FYB2: variants seen among roughly 807,000 people sequenced by gnomAD.
FYB2 encodes FYN binding protein 2, also known as FYN-binding protein 2.
A neutral mutation model predicts 94.1 loss-of-function variants in FYB2; 103 were observed. The observed-to-expected ratio is 1.09, with a 90% confidence interval of 0.93 to 1.29. FYB2 has a LOEUF of 1.29. Among genes scored for constraint, FYB2 ranks in the 50% most tolerant of loss-of-function variants. The pLI is 0.00. For synonymous variants in FYB2, 293 were observed against 287.9 expected (o/e 1.02, Z -0.18); for missense variants, 896 against 841.5 (o/e 1.06, Z -0.80).
intron 4 of FYB2, among the ~76,000 whole-genome samples, chr1:56,783,485 T>C (rs1376601395): frequency 1.3e-5 from 2 of 152,204 alleles, no homozygotes; most frequent in Non-Finnish European, 2.9e-5. Context: ...ACTCCTGTTT[T>C]ATACATTATG....
chr1:56,752,723 G>A (rs188033315), intron 8 of FYB2, among the ~76,000 whole-genome samples: 3 of 152,148 alleles, frequency 2.0e-5, no homozygotes, highest in Admixed American at 2.0e-4. Context: ...AACAATTTCT[G>A]GAACCCAAAC....
intron 8 of FYB2, among the ~76,000 whole-genome samples, chr1:56,753,346 G>A (rs553696908): frequency 2.0e-5 from 3 of 152,192 alleles, no homozygotes; most frequent in South Asian, 4.1e-4. Context: ...GGTAGCTTAT[G>A]GCTTATGAAA....
chr1:56,804,729 C>CAATA (rs1157365777), intron 1 of FYB2, among the ~76,000 whole-genome samples: 29 of 145,096 alleles, frequency 2.0e-4, no homozygotes, highest in African/African-American at 3.6e-4. Flanking sequence ...GACTCCATCT[C>CAATA]AATAAATAAA....
intron 15 of FYB2, among the ~76,000 whole-genome samples, chr1:56,731,361 A>T (rs1219952585): frequency 6.6e-6 from 1 of 152,084 alleles, no homozygotes; most frequent in African/African-American, 2.4e-5. Flanking sequence ...AATTATAAAA[A>T]TAGAGATGGG....
chr1:56,733,559 T>C (rs1644761732), intron 15 of FYB2, among the ~76,000 whole-genome samples: 1 of 152,184 alleles, frequency 6.6e-6, no homozygotes, highest in Non-Finnish European at 1.5e-5. Context: ...TTCTTTCTCT[T>C]GTGGGCATTT....
At chr1:56,747,337 C>G (rs1645091303) in intron 9 of FYB2, among the ~76,000 whole-genome samples, 1 of 151,668 alleles carries the variant, frequency 6.6e-6, no homozygotes, top group Non-Finnish European at 1.5e-5. Flanking sequence ...TTTGCTGCAC[C>G]AATCAACTCG....
At chr1:56,818,650 C>A (rs924970338) in intron 1 of FYB2, among the ~76,000 whole-genome samples, 1 of 152,164 alleles carries the variant, frequency 6.6e-6, no homozygotes, top group African/African-American at 2.4e-5. Context: ...GCAGGGAATG[C>A]TGGCGTAGGG....
chr1:56,739,781 G>A (rs1201459345), intron 13 of FYB2, among the ~76,000 whole-genome samples: 2 of 152,074 alleles, frequency 1.3e-5, no homozygotes, highest in African/African-American at 4.8e-5. Flanking sequence ...CAGGCTTTGT[G>A]TTAGATGCTT....
intron 2 of FYB2, among the ~76,000 whole-genome samples, chr1:56,791,672 C>T (rs1250303633): frequency 2.0e-5 from 3 of 152,082 alleles, no homozygotes; most frequent in South Asian, 2.1e-4. Flanking sequence ...GAGCATGGCT[C>T]GTAAGTTTTG....
chr1:56,720,456 C>A, intron 17 of FYB2, 127 bp from the exon 18 acceptor site: 2 of 779,870 alleles, frequency 2.6e-6, no homozygotes, highest in South Asian at 3.5e-5. Flanking sequence ...TTAAATAACA[C>A]ATACAGGAAG....
chr1:56,811,768 C>T (rs35674326), intron 1 of FYB2, among the ~76,000 whole-genome samples: 15,469 of 151,754 alleles, frequency 0.1, 983 homozygotes, highest in Middle Eastern at 0.18. Context: ...AACAAACAAA[C>T]AAACAAACAA....
chr1:56,742,030 A>G, intron 12 of FYB2, 131 bp downstream of exon 12: 1 of 693,254 alleles, frequency 1.4e-6, no homozygotes, highest in Middle Eastern at 3.6e-4. Context: ...AATCTTTCCT[A>G]AAAGATGATG....
In FYB2 at chr1:56,752,941, C is replaced by G. The variant is rs76509570; in HGVS notation, c.1227+898G>C. On this transcript the variant is annotated intron_variant, in intron 8 of 19. Transcript: ENST00000343433. Reference sequence around the variant, plus strand: ...ACAGCCATTGATGGCTTGGCTTTCACACCCAGTGCTGCTCCCCTGGCTCTG... The same window carrying G: ...ACAGCCATTGATGGCTTGGCTTTCAGACCCAGTGCTGCTCCCCTGGCTCTG... 2.9e-3 allele frequency among the ~76,000 whole-genome samples: 442 copies of G among 152,208 alleles called. 3 individuals are homozygous for G. The highest frequency in any genetic ancestry group is 0.01 in the African/African-American group (419 of 41,552).
chr1:56,722,297 T>C (rs1327902197), intron 17 of FYB2, among the ~76,000 whole-genome samples: 1 of 152,132 alleles, frequency 6.6e-6, no homozygotes, highest in African/African-American at 2.4e-5. Flanking sequence ...AAATATTTTA[T>C]GCATGTTTAC....
chr1:56,812,890 T>A (rs1646798640), intron 1 of FYB2, among the ~76,000 whole-genome samples: 1 of 152,194 alleles, frequency 6.6e-6, no homozygotes, highest in Non-Finnish European at 1.5e-5. Context: ...TATTAGTTGC[T>A]AGGATTGTCA....
intron 15 of FYB2, among the ~76,000 whole-genome samples, chr1:56,736,456 G>C (rs1225888413): frequency 1.6e-5 from 2 of 127,420 alleles, no homozygotes; most frequent in Non-Finnish European, 3.2e-5. Flanking sequence ...AACAGAGCCT[G>C]TCTCCATTGC....
intron 4 of FYB2, among the ~76,000 whole-genome samples, chr1:56,783,708 G>C (rs1229836145): frequency 6.6e-6 from 1 of 152,132 alleles, no homozygotes; most frequent in Non-Finnish European, 1.5e-5. Context: ...GCGTGTGTGT[G>C]TGTGTATGCA....
chr1:56,762,110 A>G (rs1188005894), intron 5 of FYB2: 1 of 152,210 alleles, frequency 6.6e-6, no homozygotes, highest in Non-Finnish European at 1.5e-5. Context: ...CTCTTTGCCA[A>G]TACCAGATAG....
intron 1 of FYB2, among the ~76,000 whole-genome samples, chr1:56,796,431 C>T (rs1054331845): frequency 5.3e-5 from 8 of 152,070 alleles, no homozygotes; most frequent in South Asian, 2.1e-4. Context: ...TTAAGCAGCC[C>T]GTGAGCACCT....
Sources: gnomAD v4.1 joint callset for allele counts (sites outside exome capture counted in the v4.1 genomes callset) on GRCh38, gnomAD v4.1.1 for gene constraint, MANE v1.5 for transcripts, NCBI Gene and HGNC (gene_info 2026-07-23, HGNC 2026-07-21) for gene names.